Variants in COL5A2 observed in about 807,000 individuals in gnomAD.
COL5A2 encodes collagen alpha-2(V) chain.
In COL5A2, 23 loss-of-function variants were observed where a neutral mutation model predicts 208.2. The observed-to-expected ratio is 0.11, with a 90% confidence interval of 0.08 to 0.16. COL5A2 has a LOEUF of 0.16. Ranked by LOEUF, COL5A2 falls within the 10% of genes least tolerant of loss-of-function variation. The pLI, the probability that COL5A2 is intolerant of heterozygous loss-of-function variation, is 1.00. For synonymous variants in COL5A2, 625 were observed against 628.5 expected (o/e 0.99, Z 0.08); for missense variants, 1,590 against 1,956.4 (o/e 0.81, Z 3.53).
intron 1 of COL5A2, among the ~76,000 whole-genome samples, chr2:189,208,312 A>C (rs1431377667): frequency 6.6e-6 from 1 of 152,230 alleles, no homozygotes; most frequent in Non-Finnish European, 1.5e-5. Context: ...TCCATTACAT[A>C]ATAAGGAGTC....
In COL5A2 at chr2:189,122,604, A is replaced by G. The variant is rs1687527218; in HGVS notation, c.98-12155T>C. On this transcript the variant is annotated intron_variant, in intron 1 of 53. Transcript: ENST00000374866. The stretch of plus-strand genomic sequence containing the variant: ...ATCCGTACACCTGGCAAATACCTGC[A>G]ACATTCTATTACACTTATTGGTTTG... Among the ~76,000 whole-genome samples the G allele has an allele frequency of 2.0e-5, 3 of 152,200 alleles. No individual in the cohort carries two copies. The South Asian group carries it at 6.2e-4, about 31-fold the overall frequency.
chr2:189,050,970 CAAAA>C (rs1559079494), intron 42 of COL5A2, among the ~76,000 whole-genome samples: 1 of 151,286 alleles, frequency 6.6e-6, no homozygotes, highest in Admixed American at 6.6e-5. Context: ...TATAAAAAGA[CAAAA>C]AGAAAGTTTA....
Position 189,034,150 on chromosome 2 carries a change from T to C in COL5A2, c.4420A>G (p.Ile1474Val), listed in dbSNP as rs1163031439. 3 of 1,613,892 alleles carry C rather than the reference T, an allele frequency of 1.9e-6. No individual in the cohort carries two copies. The highest frequency in any genetic ancestry group is 1.7e-6 in the Non-Finnish European group (2 of 1,179,952). ...ACATCCACAGGAGCAAGATCTATGATGGGCAAGCGTGCCACATTCTGTGTT... is the reference window on the plus strand; with the variant it reads ...ACATCCACAGGAGCAAGATCTATGACGGGCAAGCGTGCCACATTCTGTGTT... ...YRTQNVARLP[I>V]IDLAPVDVGG... Residue 1474 changes from isoleucine (I) to valine (V), a missense_variant, in exon 54 of 54, where the codon ATC becomes GTC. Transcript: ENST00000374866.
At chr2:189,362,982 T>G in the COL5A2 span, among the ~76,000 whole-genome samples, 2 of 152,046 alleles carry the variant, frequency 1.3e-5, no homozygotes, top group Admixed American at 6.6e-5. Context: ...AAGATATGCA[T>G]AAGTTCCTAG....
intron 33 of COL5A2, among the ~76,000 whole-genome samples, chr2:189,058,205 C>T (rs1325613333): frequency 6.6e-6 from 1 of 152,156 alleles, no homozygotes; most frequent in Admixed American, 6.5e-5. Context: ...TCACCATGTG[C>T]ACTAAACTAC....
chr2:189,395,782 C>T, the COL5A2 span, among the ~76,000 whole-genome samples: 65 of 150,708 alleles, frequency 4.3e-4, no homozygotes, highest in Non-Finnish European at 6.2e-4. Context: ...ATGGCAGGTA[C>T]CTGTAATCCC....
intron 1 of COL5A2, among the ~76,000 whole-genome samples, chr2:189,188,564 A>T (rs139511291): frequency 6.6e-6 from 1 of 152,354 alleles, no homozygotes; most frequent in Non-Finnish European, 1.5e-5. Flanking sequence ...AGCTAAATTG[A>T]GAGTCCATGA....
At chr2:189,100,190 T>G in intron 3 of COL5A2, 51 bp from the exon 4 acceptor site, 1 of 1,473,902 alleles carries the variant, frequency 6.8e-7, no homozygotes, top group Non-Finnish European at 9.5e-7. Flanking sequence ...TATAATGGCT[T>G]GCTGGGCAAA....
chr2:189,351,943 T>G, the COL5A2 span, among the ~76,000 whole-genome samples: 1 of 152,230 alleles, frequency 6.6e-6, no homozygotes, highest in East Asian at 1.9e-4. Context: ...TCTCTCCTAA[T>G]GCCATCCCTC....
At chr2:189,386,426 A>G in the COL5A2 span, among the ~76,000 whole-genome samples, 1 of 152,184 alleles carries the variant, frequency 6.6e-6, no homozygotes, top group South Asian at 2.1e-4. Context: ...ATTGGCAAAT[A>G]ATTTATGACT....
At chr2:189,365,378 T>C in the COL5A2 span, among the ~76,000 whole-genome samples, 2 of 152,200 alleles carry the variant, frequency 1.3e-5, no homozygotes. Flanking sequence ...AGACAATTTA[T>C]CCAAAAACAA....
chr2:189,056,854 C>T (rs925046410), intron 35 of COL5A2, 119 bp downstream of exon 35: 6 of 938,618 alleles, frequency 6.4e-6, no homozygotes, highest in Non-Finnish European at 1.1e-5. Flanking sequence ...TGCCATTATT[C>T]TCCAACTCCT....
the COL5A2 span, among the ~76,000 whole-genome samples, chr2:189,393,452 T>A: frequency 1.3e-5 from 2 of 152,200 alleles, no homozygotes; most frequent in Non-Finnish European, 2.9e-5. Context: ...GGACTAGTAC[T>A]ACAGAGACCC....
At chr2:189,392,865 G>C in the COL5A2 span, among the ~76,000 whole-genome samples, 16 of 152,268 alleles carry the variant, frequency 1.1e-4, no homozygotes, top group South Asian at 3.3e-3. Flanking sequence ...GGCAGACTAA[G>C]TATCTACCCT....
chr2:189,061,004 T>A (rs1243660662), intron 30 of COL5A2, among the ~76,000 whole-genome samples: 2 of 152,172 alleles, frequency 1.3e-5, no homozygotes, highest in African/African-American at 2.4e-5. Context: ...TGTATTTTCA[T>A]CTGCACACCA....
At chr2:189,055,442 A>C (rs937466861) in intron 35 of COL5A2, among the ~76,000 whole-genome samples, 3 of 152,286 alleles carry the variant, frequency 2.0e-5, no homozygotes, top group Non-Finnish European at 2.9e-5. Context: ...ATATTCTTTC[A>C]TCGTTTAATT....
chr2:189,324,391 G>A, the COL5A2 span, among the ~76,000 whole-genome samples: 1 of 152,014 alleles, frequency 6.6e-6, no homozygotes, highest in Non-Finnish European at 1.5e-5. Context: ...CTACAGAATG[G>A]GAGAAAATTT....
At chr2:189,423,314 T>C in the COL5A2 span, among the ~76,000 whole-genome samples, 6 of 150,998 alleles carry the variant, frequency 4.0e-5, no homozygotes, top group Non-Finnish European at 8.8e-5. Context: ...CAACCTAACA[T>C]TGCACCTTAA....
chr2:189,248,954 G>A, the COL5A2 span, among the ~76,000 whole-genome samples: 3 of 151,994 alleles, frequency 2.0e-5, no homozygotes, highest in East Asian at 1.9e-4. Flanking sequence ...AATAGGAGGT[G>A]GTTATATTTC....
Sources: gnomAD v4.1 joint callset for allele counts (sites outside exome capture counted in the v4.1 genomes callset) on GRCh38, gnomAD v4.1.1 for gene constraint, MANE v1.5 for transcripts, NCBI Gene and HGNC (gene_info 2026-07-23, HGNC 2026-07-21) for gene names.